The following LONRF1 variants were observed in gnomAD, a reference collection of about 807,000 sequenced individuals.
LONRF1 encodes the protein LON peptidase N-terminal domain and ring finger 1.
LONRF1 carries 37 observed loss-of-function variants against 85.8 expected under a neutral mutation model. The ratio of observed to expected loss-of-function variants is 0.43; its 90% CI spans 0.33 to 0.57. The LOEUF is 0.57. LONRF1 is among the 20% of genes least tolerant of loss of function. The pLI is 0.04. For missense variants in LONRF1, 1,036 were observed against 978.0 expected (o/e 1.06, Z -0.79); for synonymous variants, 517 against 390.1 (o/e 1.33, Z -3.83).
At chr8:12,740,370 CTCCCT>C (rs914273813) in intron 3 of LONRF1, among the ~76,000 whole-genome samples, 3 of 152,170 alleles carry the variant, frequency 2.0e-5, no homozygotes, top group African/African-American at 7.2e-5. Context: ...CATCAGACAG[CTCCCT>C]TCCTTCCCCC....
At chr8:12,752,563 G>A (rs1799450908) in intron 1 of LONRF1, among the ~76,000 whole-genome samples, 1 of 152,168 alleles carries the variant, frequency 6.6e-6, no homozygotes, top group Non-Finnish European at 1.5e-5. Flanking sequence ...TGCAAAAGTA[G>A]AATGAAGTTG....
rs1227572208 is a variant in LONRF1 at position 12,746,149 on chromosome 8, T to A, written c.722-2867A>T. On this transcript the variant is annotated intron_variant, in intron 1 of 11. Coordinates refer to ENST00000398246, the MANE Select transcript of LONRF1 (RefSeq NM_152271.5). ...CAATCCTATCTCTAGTAATCCTGGG[T>A]TAGGCTCCCCAAATCTCTAATACTA... 2.0e-5 allele frequency among the ~76,000 whole-genome samples: 3 copies of A among 152,320 alleles called. No individual in the cohort carries two copies. In the East Asian group the frequency reaches 5.8e-4, roughly 29 times the overall value.
At chr8:12,727,013 G>A (rs1798335389) in intron 10 of LONRF1, among the ~76,000 whole-genome samples, 1 of 151,124 alleles carries the variant, frequency 6.6e-6, no homozygotes, top group African/African-American at 2.4e-5. Flanking sequence ...AAAGGTAGAG[G>A]AGCCACACAA....
At chr8:12,727,477 A>G (rs1798361637) in intron 10 of LONRF1, among the ~76,000 whole-genome samples, 1 of 5,604 alleles carries the variant, frequency 1.8e-4, no homozygotes, top group Non-Finnish European at 4.3e-3. Context: ...ATAGATGAAG[A>G]CATGATGAGA....
intron 8 of LONRF1, among the ~76,000 whole-genome samples, chr8:12,729,721 A>C (rs1180840202): frequency 6.6e-6 from 1 of 152,174 alleles, no homozygotes; most frequent in Non-Finnish European, 1.5e-5. Context: ...ACTCATAGTT[A>C]CTCTTAGATA....
intron 7 of LONRF1, among the ~76,000 whole-genome samples, chr8:12,734,005 T>C (rs1319639136): frequency 1.3e-5 from 2 of 152,292 alleles, no homozygotes; most frequent in East Asian, 3.9e-4. Context: ...ATATCCCTAA[T>C]CAAAGCAATA....
chr8:12,736,112 G>C (rs1361794098), intron 6 of LONRF1, among the ~76,000 whole-genome samples: 1 of 152,074 alleles, frequency 6.6e-6, no homozygotes, highest in African/African-American at 2.4e-5. Flanking sequence ...GCTCAGGAAT[G>C]TAACTGCTAC....
intron 4 of LONRF1, 132 bp from the exon 5 acceptor site, chr8:12,737,272 T>G: frequency 9.2e-7 from 1 of 1,092,642 alleles, no homozygotes; most frequent in Non-Finnish European, 1.4e-6. Flanking sequence ...TAGCACTAAC[T>G]TGATTCCAAC....
intron 11 of LONRF1, among the ~76,000 whole-genome samples, chr8:12,723,866 G>A (rs1806036315): frequency 6.6e-6 from 1 of 152,128 alleles, no homozygotes; most frequent in African/African-American, 2.4e-5. Context: ...TTCCAATGTT[G>A]TTCAAAAAAG....
chr8:12,741,056 T>A (rs1282582781), intron 2 of LONRF1, 60 bp from the exon 3 acceptor site: 10 of 1,582,728 alleles, frequency 6.3e-6, no homozygotes, highest in Non-Finnish European at 8.6e-6. Flanking sequence ...AAAAAATCAT[T>A]ATCAAGTAAA....
chr8:12,732,409 G>A (rs186261538), intron 7 of LONRF1, among the ~76,000 whole-genome samples: 20 of 152,222 alleles, frequency 1.3e-4, no homozygotes, highest in East Asian at 1.9e-4. Context: ...AGGAAGGTGC[G>A]TTTCTTGGGA....
In LONRF1 at chr8:12,732,853, T is replaced by C. The variant is rs115466146; in HGVS notation, c.1567-996A>G. Among the ~76,000 whole-genome samples, 827 of 152,278 alleles carry C rather than the reference T, an allele frequency of 5.4e-3. 2 individuals are homozygous for C. The highest frequency in any genetic ancestry group is 0.019 in the African/African-American group (794 of 41,532). ...GTACAAAGAAAATGCCCAATACATA[T>C]TTATTTCATAAAATTAGTGAGGAAA... On this transcript the variant is annotated intron_variant, in intron 7 of 11. Coordinates refer to ENST00000398246, the MANE Select transcript of LONRF1 (RefSeq NM_152271.5).
Position 12,722,339 on chromosome 8 carries a change from G to C in LONRF1, c.*757C>G, listed in dbSNP as rs574220076. 7 of 152,614 alleles carry C rather than the reference G, an allele frequency of 4.6e-5. No individual in the cohort carries two copies. Among genetic ancestry groups the C allele is most frequent in the Middle Eastern group, 6.8e-3 (2 of 294 alleles). 9.5% of individuals were successfully genotyped at this position (152,614 alleles called of 1,614,324 possible). A position where few individuals can be genotyped will look rare whatever the true frequency, so the allele number is the denominator to read the frequency against. On this transcript the variant is annotated 3_prime_UTR_variant, in exon 12 of 12. Coordinates refer to ENST00000398246, the MANE Select transcript of LONRF1 (RefSeq NM_152271.5). ...AATTGAGTTCTCCCTTTACCTTTAT[G>C]TACAATTAAATGTAAACCATATTTT...
At chr8:12,724,683 T>C (rs1410314539) in intron 11 of LONRF1, among the ~76,000 whole-genome samples, 3 of 152,244 alleles carry the variant, frequency 2.0e-5, no homozygotes, top group Non-Finnish European at 4.4e-5. Context: ...TTATGCTGAA[T>C]TTTTCTATAA....
chr8:12,753,619 T>C (rs1799500060), intron 1 of LONRF1: 2 of 152,218 alleles, frequency 1.3e-5, no homozygotes, highest in Non-Finnish European at 2.9e-5. Flanking sequence ...GATATTGTTC[T>C]AAATAATGCC....
intron 8 of LONRF1, among the ~76,000 whole-genome samples, chr8:12,730,884 T>C (rs1798503286): frequency 6.6e-6 from 1 of 152,214 alleles, no homozygotes; most frequent in African/African-American, 2.4e-5. Context: ...TACAAAATGT[T>C]CAATTTATAT....
In LONRF1 at chr8:12,722,552, G is replaced by A. The variant is rs1805938262; in HGVS notation, c.*544C>T. 6.5e-6 allele frequency: 1 copy of A among 152,690 alleles called. No homozygotes were observed. The highest frequency in any genetic ancestry group is 1.5e-5 in the Non-Finnish European group (1 of 68,114). 9.5% of individuals were successfully genotyped at this position (152,690 alleles called of 1,614,324 possible). A position where few individuals can be genotyped will look rare whatever the true frequency, so the allele number is the denominator to read the frequency against. On this transcript the variant is annotated 3_prime_UTR_variant, in exon 12 of 12. Coordinates refer to ENST00000398246, the MANE Select transcript of LONRF1 (RefSeq NM_152271.5). Reference sequence around the variant, plus strand: ...CAGCAAGAGCAGTGTTTCCAACAAAGAATGATCCTCAACACGATATTTTAC... The same window carrying A: ...CAGCAAGAGCAGTGTTTCCAACAAAAAATGATCCTCAACACGATATTTTAC...
At chr8:12,737,482 A>G (rs2117277248) in intron 4 of LONRF1, 1 of 390,916 alleles carries the variant, frequency 2.6e-6, no homozygotes, top group South Asian at 2.2e-5. Context: ...ATTAGGTATT[A>G]TAAGTAACCT....
chr8:12,736,838 A>G, intron 5 of LONRF1, 41 bp from the exon 6 acceptor site: 1 of 1,582,274 alleles, frequency 6.3e-7, no homozygotes, highest in Non-Finnish European at 8.6e-7. Context: ...CTTAGGAAAA[A>G]CTTTAAAGAC....
Sources: allele counts gnomAD v4.1 joint callset (sites outside exome capture counted in the v4.1 genomes callset), GRCh38; gene constraint gnomAD v4.1.1; transcripts MANE v1.5; gene names NCBI Gene and HGNC (gene_info 2026-07-23, HGNC 2026-07-21).